The following MAN1A2 variants were observed in gnomAD, a reference collection of about 807,000 sequenced individuals.
MAN1A2 encodes mannosidase alpha class 1A member 2.
In MAN1A2, 26 loss-of-function variants were observed where a neutral mutation model predicts 75.7. That is an observed-to-expected ratio of 0.34 (90% confidence interval 0.25 to 0.48). The LOEUF is 0.48. MAN1A2 is among the 20% of genes least tolerant of loss of function. The pLI is 0.99. For missense variants in MAN1A2, 562 were observed against 775.5 expected (o/e 0.72, Z 3.27); for synonymous variants, 247 against 264.6 (o/e 0.93, Z 0.65).
intron 5 of MAN1A2, among the ~76,000 whole-genome samples, chr1:117,440,060 A>G (rs1648980345): frequency 6.6e-6 from 1 of 152,220 alleles, no homozygotes. Context: ...TATCCATAAA[A>G]GAGGAAATTC....
intron 1 of MAN1A2, among the ~76,000 whole-genome samples, chr1:117,386,105 G>A (rs767525809): frequency 2.0e-5 from 3 of 152,196 alleles, no homozygotes; most frequent in Non-Finnish European, 2.9e-5. Context: ...TGTAGGAAGA[G>A]GAGGGATTCT....
At position 117,403,701 on chromosome 1, in the gene MAN1A2, A is replaced by G. The variant is rs10923283; in HGVS notation, c.558+1260A>G. 3.8e-3 allele frequency among the ~76,000 whole-genome samples: 585 copies of G among 152,258 alleles called. 7 individuals are homozygous for G. The highest frequency in any genetic ancestry group is 0.013 in the African/African-American group (556 of 41,544). ...CTTGTGATTTTTCTTATACGTAGTC[A>G]TGTCTTCTGTGAAGAGATACTTTTA... On this transcript the variant is annotated intron_variant, in intron 2 of 12. Coordinates refer to ENST00000356554, the MANE Select transcript of MAN1A2 (RefSeq NM_006699.5).
At chr1:117,461,788 C>T (rs1424950537) in intron 7 of MAN1A2, among the ~76,000 whole-genome samples, 4 of 152,146 alleles carry the variant, frequency 2.6e-5, no homozygotes, top group Admixed American at 1.3e-4. Context: ...ATAAAAATTT[C>T]AGTCATCCCC....
chr1:117,402,851 C>G (rs1647486507), intron 2 of MAN1A2, among the ~76,000 whole-genome samples: 1 of 152,020 alleles, frequency 6.6e-6, no homozygotes, highest in South Asian at 2.1e-4. Context: ...ATTATATCTC[C>G]AATTTTTTAA....
At chr1:117,377,147 T>C (rs1557924978) in intron 1 of MAN1A2, among the ~76,000 whole-genome samples, 1 of 152,240 alleles carries the variant, frequency 6.6e-6, no homozygotes, top group Admixed American at 6.5e-5. Flanking sequence ...TACATGACTT[T>C]TTTCCAATTA....
In MAN1A2 at chr1:117,367,454, C is replaced by T. The variant is rs542054739; in HGVS notation, c.-730C>T. 2 of 154,066 alleles carry T rather than the reference C, an allele frequency of 1.3e-5. No homozygotes were observed. The highest frequency in any genetic ancestry group is 1.9e-4 in the East Asian group (1 of 5,218). 9.5% of individuals were successfully genotyped at this position (154,066 alleles called of 1,614,324 possible). On this transcript the variant is annotated 5_prime_UTR_variant, in exon 1 of 13. Coordinates refer to ENST00000356554, the MANE Select transcript of MAN1A2 (RefSeq NM_006699.5). ...AGGAAGTTCCGCTCCCTGACAGACC[C>T]GTGCGGTAGCAACAGCGGCGGCGGC...
chr1:117,480,599 T>C (rs72691726), intron 8 of MAN1A2, among the ~76,000 whole-genome samples: 1 of 152,054 alleles, frequency 6.6e-6, no homozygotes, highest in Non-Finnish European at 1.5e-5. Context: ...CTGGGCATTC[T>C]TAAAATATCC....
At chr1:117,484,830 A>G (rs1203251507) in intron 8 of MAN1A2, among the ~76,000 whole-genome samples, 1 of 151,942 alleles carries the variant, frequency 6.6e-6, no homozygotes, top group African/African-American at 2.4e-5. Flanking sequence ...GGTAAAATAG[A>G]CTAGTATCTA....
At chr1:117,455,075 CTT>C (rs1251014777) in intron 6 of MAN1A2, among the ~76,000 whole-genome samples, 1 of 152,076 alleles carries the variant, frequency 6.6e-6, no homozygotes, top group Admixed American at 6.5e-5. Context: ...GGTAGAGACA[CTT>C]TGGAAAACAG....
intron 3 of MAN1A2, among the ~76,000 whole-genome samples, chr1:117,412,709 G>A (rs1647864224): frequency 6.6e-6 from 1 of 151,796 alleles, no homozygotes; most frequent in African/African-American, 2.4e-5. Flanking sequence ...CCCAAGAATA[G>A]TGTTAGGCTT....
chr1:117,373,841 C>T lies in MAN1A2; in HGVS notation c.302+5356C>T, dbSNP rs569987824. ...GATACTTTCAAATTGGAGCTCATGC[C>T]TAAGATTGGAAAGTTGGTAATGCAG... On this transcript the variant is annotated intron_variant, in intron 1 of 12. Transcript: ENST00000356554. 3.9e-5 allele frequency among the ~76,000 whole-genome samples: 6 copies of T among 152,070 alleles called. No homozygotes were observed. In the East Asian group the frequency reaches 1.2e-3, roughly 29 times the overall value.
intron 5 of MAN1A2, among the ~76,000 whole-genome samples, chr1:117,439,113 C>T (rs1414183050): frequency 6.6e-6 from 1 of 152,092 alleles, no homozygotes; most frequent in Non-Finnish European, 1.5e-5. Context: ...CGAAAACATA[C>T]CTGGCATCCT....
At chr1:117,522,773 A>G (rs2101036002) in intron 12 of MAN1A2, 52 bp from the exon 13 acceptor site, 2 of 1,554,354 alleles carry the variant, frequency 1.3e-6, no homozygotes, top group East Asian at 2.2e-5. Flanking sequence ...AGCTCACTTC[A>G]TGTTCTTGTT....
At chr1:117,429,893 G>A (rs1157022216) in intron 5 of MAN1A2, among the ~76,000 whole-genome samples, 5 of 69,580 alleles carry the variant, frequency 7.2e-5, no homozygotes, top group African/African-American at 2.8e-4. Flanking sequence ...GGGGCGGCTG[G>A]CCGGGCAGAG....
intron 2 of MAN1A2, among the ~76,000 whole-genome samples, chr1:117,403,399 G>A (rs996991927): frequency 1.4e-4 from 21 of 152,110 alleles, no homozygotes; most frequent in Non-Finnish European, 4.4e-5. Flanking sequence ...CACTTCCTTC[G>A]GACAGTGTTG....
At chr1:117,388,292 A>G (rs1271261697) in intron 1 of MAN1A2, among the ~76,000 whole-genome samples, 3 of 152,164 alleles carry the variant, frequency 2.0e-5, no homozygotes, top group East Asian at 1.9e-4. Flanking sequence ...AGTGATGGCT[A>G]TAACAATTTT....
chr1:117,431,160 C>G (rs1185736971), intron 5 of MAN1A2, among the ~76,000 whole-genome samples: 2 of 111,670 alleles, frequency 1.8e-5, no homozygotes, highest in Non-Finnish European at 3.5e-5. Flanking sequence ...TACAGTCCAG[C>G]TTCGGCTCCG....
chr1:117,462,037 A>G (rs1649839173), intron 7 of MAN1A2, among the ~76,000 whole-genome samples: 1 of 152,164 alleles, frequency 6.6e-6, no homozygotes, highest in African/African-American at 2.4e-5. Flanking sequence ...ACAGACCTAC[A>G]TATATGTAGA....
intron 3 of MAN1A2, among the ~76,000 whole-genome samples, chr1:117,410,292 G>C (rs369824124): frequency 1.3e-5 from 2 of 151,900 alleles, no homozygotes; most frequent in Admixed American, 6.6e-5. Context: ...AAATTAGCTA[G>C]TGTAGTTTAA....
Sources: allele counts gnomAD v4.1 joint callset (sites outside exome capture counted in the v4.1 genomes callset), GRCh38; gene constraint gnomAD v4.1.1; transcripts MANE v1.5; gene names NCBI Gene and HGNC (gene_info 2026-07-23, HGNC 2026-07-21).